The following ZFC3H1 variants were observed in gnomAD, a reference collection of about 807,000 sequenced individuals.
ZFC3H1 encodes the protein zinc finger C3H1 domain-containing protein.
In ZFC3H1, 71 loss-of-function variants were observed where a neutral mutation model predicts 243.7. The ratio of observed to expected loss-of-function variants is 0.29; its 90% CI spans 0.24 to 0.36. The LOEUF (loss-of-function observed/expected upper bound fraction) is 0.36. Among genes scored for constraint, ZFC3H1 ranks in the 10% least tolerant of loss-of-function variants. The pLI, the probability that ZFC3H1 is intolerant of heterozygous loss-of-function variation, is 1.00. For synonymous variants in ZFC3H1, 838 were observed against 813.0 expected (o/e 1.03, Z -0.52); for missense variants, 1,966 against 2,317.1 (o/e 0.85, Z 3.11).
intron 27 of ZFC3H1, among the ~76,000 whole-genome samples, chr12:71,618,734 C>CA (rs1288856949): frequency 9.9e-5 from 15 of 152,026 alleles, no homozygotes; most frequent in Non-Finnish European, 1.9e-4. Context: ...AGCCTCCCCC[C>CA]AAAAAATCAT....
intron 18 of ZFC3H1, among the ~76,000 whole-genome samples, chr12:71,630,185 T>C (rs1880287274): frequency 1.3e-5 from 2 of 152,228 alleles, no homozygotes; most frequent in South Asian, 4.1e-4. Flanking sequence ...CATCGTAATT[T>C]CCAGCCTTCC....
chr12:71,657,068 T>C lies in ZFC3H1; in HGVS notation c.832A>G (p.Thr278Ala), dbSNP rs1323052955. The change falls in exon 2 of 35, where the codon ACA becomes GCA. Residue 278 changes from threonine (T) to alanine (A), a missense_variant. By Grantham distance (58) the Thr-to-Ala change is moderately conservative. Coordinates refer to ENST00000378743, the MANE Select transcript of ZFC3H1 (RefSeq NM_144982.5). ...DQTSTDNVSI[T>A]KDSSKEVAPE... is the part of the protein sequence containing the mutation. Reference sequence around the variant, plus strand: ...GCTACTTCTTTACTTGAATCCTTTGTAATACTGACATTATCAGTGCTAGTT... The same window carrying C: ...GCTACTTCTTTACTTGAATCCTTTGCAATACTGACATTATCAGTGCTAGTT... 2.5e-6 allele frequency: 4 copies of C among 1,613,866 alleles called. No homozygotes were observed. Among genetic ancestry groups the C allele is most frequent in the Non-Finnish European group, 3.4e-6 (4 of 1,179,946 alleles).
At chr12:71,636,683 A>G (rs1202401950) in intron 8 of ZFC3H1, 29 bp from the exon 9 acceptor site, 2 of 1,577,510 alleles carry the variant, frequency 1.3e-6, no homozygotes, top group Non-Finnish European at 1.7e-6. Flanking sequence ...GACATTAAAC[A>G]TTCCTAAATA....
At chr12:71,615,456 G>A in intron 27 of ZFC3H1, 140 bp from the exon 28 acceptor site, 2 of 626,220 alleles carry the variant, frequency 3.2e-6, no homozygotes, top group Non-Finnish European at 5.6e-6. Context: ...CTTTTCATAG[G>A]TATACCATAC....
chr12:71,648,091 T>G (rs1880772598), intron 2 of ZFC3H1, among the ~76,000 whole-genome samples: 1 of 152,180 alleles, frequency 6.6e-6, no homozygotes, highest in Non-Finnish European at 1.5e-5. Context: ...AATAGTCACT[T>G]CAAATGAGAA....
At position 71,644,934 on chromosome 12, in the gene ZFC3H1, G is replaced by C. The variant is rs1236623162; in HGVS notation, c.1222C>G (p.Gln408Glu). ...KEKLTKTKTV[Q>E]QKVKTSTKTH... ...TTTGTACTTGTTTTAACTTTTTGCT[G>C]TACAGTTTTCGTCTTAGTCAACTTT... Residue 408 changes from glutamine (Q) to glutamate (E), a missense_variant, in exon 4 of 35, where the codon CAG becomes GAG. Gln to Glu is a conservative substitution (Grantham distance 29). Around this residue, in one of 4 missense-constraint regions of ZFC3H1, gnomAD observed 91 missense variants for 107.6 expected, o/e 0.85. Transcript: ENST00000378743. 1 of 1,612,638 alleles carries C rather than the reference G, an allele frequency of 6.2e-7. No homozygotes were observed. The highest frequency in any genetic ancestry group is 8.5e-7 in the Non-Finnish European group (1 of 1,180,026).
chr12:71,651,911 A>G (rs1880895473), intron 2 of ZFC3H1, among the ~76,000 whole-genome samples: 1 of 152,254 alleles, frequency 6.6e-6, no homozygotes, highest in Non-Finnish European at 1.5e-5. Context: ...GCCATGAACA[A>G]GACAGTCGTT....
At chr12:71,620,461 G>A (rs1467070027) in intron 24 of ZFC3H1, 146 bp from the exon 25 acceptor site, 1 of 778,064 alleles carries the variant, frequency 1.3e-6, no homozygotes, top group African/African-American at 1.7e-5. Flanking sequence ...CCTTTACTGA[G>A]CTGGCTTTTA....
In ZFC3H1 at chr12:71,636,950, G is replaced by A; in HGVS notation, c.1835C>T (p.Pro612Leu). Residue 612 changes from proline to leucine, a missense_variant, in exon 8 of 35, where the codon CCT becomes CTT. Physicochemically the swap from Pro to Leu is moderately conservative, Grantham distance 98 (BLOSUM62 -3). Transcript: ENST00000378743. The stretch of plus-strand genomic sequence containing the variant: ...CTCATCTGCAAAAGGTGGTTTTGGA[G>A]GCTGTTCTGGATCTTCAGGTGGGAG... ...PPLPPEDPEQ[P>L]PKPPFADEEE... 1 of 1,614,054 alleles carries A rather than the reference G, an allele frequency of 6.2e-7. No homozygotes were observed. Among genetic ancestry groups the A allele is most frequent in the South Asian group, 1.1e-5 (1 of 91,082 alleles).
Position 71,614,839 on chromosome 12 carries a change from C to G in ZFC3H1, c.5355G>C (p.Trp1785Cys). ...TCAAGAAAACCTAAACTTACTCCAT[C>G]CATATCTTCTGTACTATATCACATC... ...AMRCDIVQKI[W>C]MDYLVFANNR... is the part of the protein sequence containing the mutation. The change falls in exon 29 of 35, where the codon TGG becomes TGC. Residue 1785 changes from tryptophan (W) to cysteine (C), a missense_variant. Transcript: ENST00000378743. 1 of 1,612,672 alleles carries G rather than the reference C, an allele frequency of 6.2e-7. No individual in the cohort carries two copies. The highest frequency in any genetic ancestry group is 8.5e-7 in the Non-Finnish European group (1 of 1,178,950).
At chr12:71,626,181 T>C (rs1230555806) in intron 22 of ZFC3H1, 79 bp downstream of exon 22, 5 of 1,455,522 alleles carry the variant, frequency 3.4e-6, no homozygotes, top group South Asian at 2.7e-5. Context: ...AAGCTACTTA[T>C]CAATTTTTAA....
rs748533146 is a variant in ZFC3H1 at position 71,638,535 on chromosome 12, TAA to T, written c.1628-22_1628-21del. ...AAGGAGCTGTAAAAAAATTTTTTGT[TAA>T]GAGTTTAATAACAGAAATACTTCAT... is the stretch of plus-strand genomic sequence containing the variant. On this transcript the variant is annotated intron_variant, in intron 6 of 34. Coordinates refer to ENST00000378743, the MANE Select transcript of ZFC3H1 (RefSeq NM_144982.5). 1 of 1,567,486 alleles carries T rather than the reference TAA, an allele frequency of 6.4e-7. No homozygotes were observed. Among genetic ancestry groups the T allele is most frequent in the Non-Finnish European group, 8.7e-7 (1 of 1,154,198 alleles).
rs371396200 is a variant in ZFC3H1 at position 71,631,986 on chromosome 12, C to A, written c.3346G>T (p.Val1116Phe). Residue 1116 changes from valine (V) to phenylalanine (F), a missense_variant, in exon 15 of 35, where the codon GTT (valine) becomes TTT (phenylalanine). Physicochemically the swap from Val to Phe is conservative, Grantham distance 50. Around this residue, in one of 4 missense-constraint regions of ZFC3H1, gnomAD observed 1,383 missense variants for 1,723.7 expected, o/e 0.80. Transcript: ENST00000378743. Reference protein sequence around the residue: ...LKTTTGITEKVLHGQEISVDV... With the variant: ...LKTTTGITEKFLHGQEISVDV... ...TGTTCAGTTACCTGACCATGCAAAA[C>A]CTTCTCTGTAATGCCTGTGGTGGTT... 1 of 1,598,818 alleles carries A rather than the reference C, an allele frequency of 6.3e-7. No individual in the cohort carries two copies. The highest frequency in any genetic ancestry group is 8.5e-7 in the Non-Finnish European group (1 of 1,174,214).
intron 24 of ZFC3H1, among the ~76,000 whole-genome samples, chr12:71,623,074 C>T (rs1178949106): frequency 2.0e-5 from 3 of 150,558 alleles, no homozygotes; most frequent in Non-Finnish European, 4.4e-5. Context: ...ATCAATTCAT[C>T]AAACTTACAT....
intron 31 of ZFC3H1, among the ~76,000 whole-genome samples, chr12:71,613,075 T>A (rs183509318): frequency 1.3e-5 from 2 of 152,326 alleles, no homozygotes; most frequent in Admixed American, 6.5e-5. Context: ...GGTGTGTGTT[T>A]AGGGAACACA....
intron 14 of ZFC3H1, 52 bp downstream of exon 14, chr12:71,632,834 T>C (rs770066932): frequency 1.2e-4 from 190 of 1,593,828 alleles, no homozygotes; most frequent in Non-Finnish European, 1.5e-4. Context: ...CTTAAAACTA[T>C]CATAAAAACT....
Position 71,657,090 on chromosome 12 carries a change from A to C in ZFC3H1, c.810T>G (p.Thr270=). The part of the protein sequence containing the change: ...DPKTLNFEDQ[T]STDNVSITKD... ...TTGTAATACTGACATTATCAGTGCT[A>C]GTTTGGTCCTCGAAGTTCAATGTTT... Residue 270 remains threonine, a synonymous_variant, in exon 2 of 35, where the codon ACT becomes ACG. Coordinates refer to ENST00000378743, the MANE Select transcript of ZFC3H1 (RefSeq NM_144982.5). The C allele has an allele frequency of 6.2e-7, 1 of 1,613,944 alleles. No individual in the cohort carries two copies. Among genetic ancestry groups the C allele is most frequent in the East Asian group, 2.2e-5 (1 of 44,822 alleles).
Position 71,656,484 on chromosome 12 carries a change from G to A in ZFC3H1, c.1015+401C>T, listed in dbSNP as rs1462166854. 5 of 640,014 alleles carry A rather than the reference G, an allele frequency of 7.8e-6. No individual in the cohort carries two copies. The East Asian group carries it at 1.4e-4, about 18-fold the overall frequency. The allele number at this position is 640,014 out of a possible 1,614,324, so 39.6% of individuals were successfully genotyped here. On this transcript the variant is annotated intron_variant, in intron 2 of 34. Transcript: ENST00000378743. ...CCCAATAATGAAGAAAACAGATTTT[G>A]TAAACTTCAACATCCATTCACGCTG...
chr12:71,643,841 A>G (rs2137547688), intron 5 of ZFC3H1, among the ~76,000 whole-genome samples: 1 of 152,354 alleles, frequency 6.6e-6, no homozygotes, highest in South Asian at 2.1e-4. Flanking sequence ...TTTCACCACA[A>G]TTTAGTAATC....
Sources: gnomAD v4.1 joint callset for allele counts (sites outside exome capture counted in the v4.1 genomes callset) on GRCh38, gnomAD v4.1.1 for gene constraint, gnomAD v4.1.1 regional missense constraint, MANE v1.5 for transcripts, NCBI Gene and HGNC (gene_info 2026-07-23, HGNC 2026-07-21) for gene names.